PCDHGB3: variants seen among roughly 807,000 people sequenced by gnomAD.
PCDHGB3 encodes the protein protocadherin gamma subfamily B, 3, also known as protocadherin gamma-B3.
In PCDHGB3, 40 loss-of-function variants were observed where a neutral mutation model predicts 59.2. That is an observed-to-expected ratio of 0.68 (90% confidence interval 0.52 to 0.88). The LOEUF is 0.88. PCDHGB3 is among the 40% of genes least tolerant of loss of function. The pLI is 0.00. For missense variants in PCDHGB3, 1,309 were observed against 1,187.9 expected, an observed-to-expected ratio of 1.10 and a Z score of -1.50; for synonymous variants, 581 against 503.6, an observed-to-expected ratio of 1.15 and a Z score of -2.06.
At chr5:141,503,902 C>T (rs552180745) in intron 2 of PCDHGB3, among the ~76,000 whole-genome samples, 7 of 152,328 alleles carry the variant, frequency 4.6e-5, no homozygotes, top group African/African-American at 1.7e-4. Context: ...AATATGCACA[C>T]ACACAACGCA....
At position 141,476,458 on chromosome 5, in the gene PCDHGB3, C is replaced by A. The variant is rs368153419; in HGVS notation, c.2416-18349C>A. Reference sequence around the variant, plus strand: ...TAACTCTGGAGTTGGTAGTGGAGAACCCGCTGGAGCTGTTCAGCGTGGAAG... The same window carrying A: ...TAACTCTGGAGTTGGTAGTGGAGAAACCGCTGGAGCTGTTCAGCGTGGAAG... On this transcript the variant is annotated intron_variant, in intron 1 of 3. Transcript: ENST00000576222. This position sits in a 1 kb window ranked among gnomAD's most constrained non-coding sequence, Gnocchi z 7.6. 1 of 1,613,928 alleles carries A rather than the reference C, an allele frequency of 6.2e-7. No individual in the cohort carries two copies. Among genetic ancestry groups the A allele is most frequent in the Non-Finnish European group, 8.5e-7 (1 of 1,180,022 alleles).
Position 141,370,947 on chromosome 5 carries a change from AAC to A in PCDHGB3, c.554_555del (p.Asn185ThrfsTer5). The stretch of plus-strand genomic sequence containing the variant: ...GCACTTCTCTTTGATTCAGAAGGAG[AAC>A]CTGGATGGCAGTAGGTACCCAGAGC... ...DPHFSLIQKE[N>X]LDGSRYPELV... On this transcript the variant is annotated frameshift_variant, in exon 1 of 4. Coordinates refer to ENST00000576222, the MANE Select transcript of PCDHGB3 (RefSeq NM_018924.5). LOFTEE classifies it high-confidence loss of function. 3.1e-6 allele frequency: 5 copies of A among 1,613,958 alleles called. No individual in the cohort carries two copies. Among genetic ancestry groups the A allele is most frequent in the Non-Finnish European group, 4.2e-6 (5 of 1,179,868 alleles).
chr5:141,486,371 G>T lies in PCDHGB3; in HGVS notation c.2416-8436G>T. 1.9e-6 allele frequency: 3 copies of T among 1,614,138 alleles called. No homozygotes were observed. The highest frequency in any genetic ancestry group is 2.5e-6 in the Non-Finnish European group (3 of 1,180,010). On this transcript the variant is annotated intron_variant, in intron 1 of 3. Coordinates refer to ENST00000576222, the MANE Select transcript of PCDHGB3 (RefSeq NM_018924.5). The surrounding 1 kb of genome is among the most constrained non-coding windows in gnomAD (Gnocchi z 5.0). ...CCACTTGCCATTTGCCCTCAAGTCT[G>T]CCTTCAGGAACCAGTTCTCCCTGGT...
At chr5:141,496,733 C>T (rs1221912777) in intron 2 of PCDHGB3, among the ~76,000 whole-genome samples, 12 of 152,138 alleles carry the variant, frequency 7.9e-5, no homozygotes, top group African/African-American at 9.7e-5. Context: ...TGTATTCATT[C>T]GTTCATTTAT....
intron 1 of PCDHGB3, chr5:141,384,678 G>A (rs770501792): frequency 5.0e-6 from 8 of 1,614,194 alleles, no homozygotes; most frequent in Middle Eastern, 3.3e-4. Flanking sequence ...AGGTGGTGGC[G>A]GTGGACAAAG....
intron 1 of PCDHGB3, chr5:141,433,201 CTTCT>C (rs759014851): frequency 3.9e-5 from 61 of 1,573,466 alleles, no homozygotes; most frequent in Admixed American, 1.2e-4. Flanking sequence ...TATATCAAAT[CTTCT>C]TTCTTTTTTT....
intron 1 of PCDHGB3, chr5:141,398,715 G>A: frequency 1.2e-6 from 2 of 1,613,850 alleles, no homozygotes; most frequent in Non-Finnish European, 1.7e-6. Flanking sequence ...AACTGGCACT[G>A]GAGAAAACCT....
intron 1 of PCDHGB3, chr5:141,428,598 C>T (rs2097150047): frequency 4.5e-6 from 1 of 224,296 alleles, no homozygotes; most frequent in African/African-American, 2.3e-5. Context: ...TAGCAAGCTT[C>T]ACTGAAGAGA....
At chr5:141,405,978 T>G (rs1280230437) in intron 1 of PCDHGB3, among the ~76,000 whole-genome samples, 1 of 152,144 alleles carries the variant, frequency 6.6e-6, no homozygotes, top group Non-Finnish European at 1.5e-5. Context: ...TAAACCATAC[T>G]TCATGGGGTA....
At chr5:141,482,371 T>C (rs1191880709) in intron 1 of PCDHGB3, among the ~76,000 whole-genome samples, 2 of 152,100 alleles carry the variant, frequency 1.3e-5, no homozygotes, top group African/African-American at 2.4e-5. Flanking sequence ...AAGTAATGCA[T>C]ATAAAGTCCC....
intron 1 of PCDHGB3, chr5:141,418,929 T>A: frequency 6.2e-7 from 1 of 1,614,034 alleles, no homozygotes; most frequent in Non-Finnish European, 8.5e-7. Flanking sequence ...GATCAGATTA[T>A]GGAGGATTCC....
At chr5:141,488,978 C>T (rs1346335195) in intron 1 of PCDHGB3, 4 of 388,976 alleles carry the variant, frequency 1.0e-5, no homozygotes, top group African/African-American at 2.1e-5. Flanking sequence ...GCCAATCAGA[C>T]TCAGAGCTGA....
intron 1 of PCDHGB3, chr5:141,389,923 C>G: frequency 6.2e-7 from 1 of 1,614,076 alleles, no homozygotes; most frequent in Non-Finnish European, 8.5e-7. Context: ...CCCGACCCCT[C>G]TGACCTCCAG....
rs992096722 is a variant in PCDHGB3, at chr5:141,413,506, A to G, written c.2415+40697A>G. 3 of 1,613,910 alleles carry G rather than the reference A, an allele frequency of 1.9e-6. No individual in the cohort carries two copies. The highest frequency in any genetic ancestry group is 2.7e-5 in the African/African-American group (2 of 74,954). On this transcript the variant is annotated intron_variant, in intron 1 of 3. Coordinates refer to ENST00000576222, the MANE Select transcript of PCDHGB3 (RefSeq NM_018924.5). ...GAGCGCGCGGTGCGTGGTGAGTTTT[A>G]ATATCCTTGTGGAAGACAGGGTGAA... is the stretch of plus-strand genomic sequence containing the variant.
At chr5:141,373,739 A>G (rs1561560112) in intron 1 of PCDHGB3, among the ~76,000 whole-genome samples, 1 of 152,238 alleles carries the variant, frequency 6.6e-6, no homozygotes, top group Non-Finnish European at 1.5e-5. Context: ...ATGCTTCATT[A>G]TCTTGGGGAG....
chr5:141,404,952 G>T, intron 1 of PCDHGB3: 1 of 1,614,030 alleles, frequency 6.2e-7, no homozygotes, highest in Non-Finnish European at 8.5e-7. Flanking sequence ...ATAGCTGACA[G>T]CATCCCAGAC....
intron 1 of PCDHGB3, among the ~76,000 whole-genome samples, chr5:141,461,968 C>A (rs2099027589): frequency 6.6e-6 from 1 of 152,204 alleles, no homozygotes; most frequent in African/African-American, 2.4e-5. Context: ...GGATTCCAGG[C>A]ATATGCCACC....
At position 141,491,597 on chromosome 5, in the gene PCDHGB3, A is replaced by T. The variant is rs1389838814; in HGVS notation, c.2416-3210A>T. Reference sequence around the variant, plus strand: ...TTTTCACCGGCCTCGGACGGCAGTGACTTCACTTTTCTAAGACCCCTCAGC... The same window carrying T: ...TTTTCACCGGCCTCGGACGGCAGTGTCTTCACTTTTCTAAGACCCCTCAGC... On this transcript the variant is annotated intron_variant, in intron 1 of 3. Coordinates refer to ENST00000576222, the MANE Select transcript of PCDHGB3 (RefSeq NM_018924.5). This position sits in a 1 kb window ranked among gnomAD's most constrained non-coding sequence, Gnocchi z 6.9. 1.2e-6 allele frequency: 2 copies of T among 1,613,788 alleles called. No individual in the cohort carries two copies. The highest frequency in any genetic ancestry group is 1.7e-6 in the Non-Finnish European group (2 of 1,180,012).
chr5:141,422,485 A>G, intron 1 of PCDHGB3: 2 of 1,613,980 alleles, frequency 1.2e-6, no homozygotes, highest in Non-Finnish European at 1.7e-6. Context: ...CCAGAGCTAC[A>G]ATATAACGTT....
Sources: gnomAD v4.1 joint callset for allele counts (sites outside exome capture counted in the v4.1 genomes callset) on GRCh38, gnomAD v4.1.1 for gene constraint, Gnocchi (gnomAD v3.1) non-coding constraint, MANE v1.5 for transcripts, NCBI Gene and HGNC (gene_info 2026-07-23, HGNC 2026-07-21) for gene names.